Variants in EIF4G3 observed in about 807,000 individuals in gnomAD.
EIF4G3 encodes the protein eukaryotic translation initiation factor 4 gamma 3, also known as eIF-4-gamma 3.
A neutral mutation model predicts 186.4 loss-of-function variants in EIF4G3; 34 were observed. That is an observed-to-expected ratio of 0.18 (90% CI 0.14 to 0.24). The LOEUF (loss-of-function observed/expected upper bound fraction) is 0.24. Ranked by LOEUF, EIF4G3 falls within the 10% of genes least tolerant of loss-of-function variation. The probability of loss-of-function intolerance (pLI) is 1.00; values close to 1 mark genes in which losing one functional copy is unlikely to be tolerated. For missense variants in EIF4G3, 1,536 were observed against 1,948.5 expected, an observed-to-expected ratio of 0.79 and a Z score of 3.99; for synonymous variants, 673 against 679.5, an observed-to-expected ratio of 0.99 and a Z score of 0.15.
chr1:21,174,763 A>G (rs922010989), intron 2 of EIF4G3: 1 of 152,200 alleles, frequency 6.6e-6, no homozygotes, highest in Non-Finnish European at 1.5e-5. Context: ...ATCGGTGAAC[A>G]ATTCCTAATT....
chr1:20,875,057 C>T (rs2080359571), intron 20 of EIF4G3, among the ~76,000 whole-genome samples: 1 of 152,192 alleles, frequency 6.6e-6, no homozygotes. Context: ...TGGTCCACTG[C>T]AGCCGTGACC....
At chr1:21,001,822 T>C (rs142959224) in intron 5 of EIF4G3, among the ~76,000 whole-genome samples, 1 of 152,310 alleles carries the variant, frequency 6.6e-6, no homozygotes, top group African/African-American at 2.4e-5. Flanking sequence ...CTTTGGTATA[T>C]TTAAACAATT....
At chr1:21,041,003 C>A (rs2093544125) in intron 4 of EIF4G3, among the ~76,000 whole-genome samples, 1 of 152,024 alleles carries the variant, frequency 6.6e-6, no homozygotes, top group East Asian at 1.9e-4. Context: ...TTGTTCTGAT[C>A]AGAAGGTACC....
Position 20,807,161 on chromosome 1 carries a change from C to T in EIF4G3, c.*158G>A. The stretch of plus-strand genomic sequence containing the variant: ...TACTTTTATCCAGTACCTTTTTCCT[C>T]CATGATCACCTTTTTTTCTCTTTCC... On this transcript the variant is annotated 3_prime_UTR_variant, in exon 37 of 37. Transcript: ENST00000602326. The T allele has an allele frequency of 1.8e-6, 1 of 563,818 alleles. No individual in the cohort carries two copies. The allele number at this position is 563,818 out of a possible 1,614,324, so 34.9% of individuals were successfully genotyped here.
At chr1:21,149,169 C>T (rs953574292) in intron 2 of EIF4G3, among the ~76,000 whole-genome samples, 1 of 151,618 alleles carries the variant, frequency 6.6e-6, no homozygotes, top group East Asian at 1.9e-4. Context: ...GTTACATTTA[C>T]AGTATGATTT....
At chr1:21,095,805 A>C (rs1237458333) in intron 2 of EIF4G3, among the ~76,000 whole-genome samples, 4 of 152,212 alleles carry the variant, frequency 2.6e-5, no homozygotes, top group Non-Finnish European at 5.9e-5. Context: ...ACAAAAAAAA[A>C]ACAAAACAAT....
At chr1:20,972,749 G>T (rs910209184) in intron 11 of EIF4G3, among the ~76,000 whole-genome samples, 2 of 152,090 alleles carry the variant, frequency 1.3e-5, no homozygotes, top group African/African-American at 2.4e-5. Context: ...TTCTAAAGGT[G>T]GAGTACATGT....
chr1:20,821,970 T>G (rs764934067), intron 33 of EIF4G3, among the ~76,000 whole-genome samples: 5 of 152,192 alleles, frequency 3.3e-5, no homozygotes, highest in Middle Eastern at 6.8e-3. Context: ...CTCTGCCTCC[T>G]GGGTTCAAGC....
intron 3 of EIF4G3, chr1:21,064,986 C>T (rs1267576113): frequency 6.6e-6 from 1 of 152,096 alleles, no homozygotes; most frequent in African/African-American, 2.4e-5. Flanking sequence ...GATATACATT[C>T]AGTGACTGCA....
At chr1:21,004,762 T>C (rs1317349823) in intron 4 of EIF4G3, among the ~76,000 whole-genome samples, 2 of 152,140 alleles carry the variant, frequency 1.3e-5, no homozygotes, top group African/African-American at 4.8e-5. Context: ...GGATTCATCA[T>C]ACGTTCCAAA....
chr1:21,160,372 C>T (rs1262365729), intron 2 of EIF4G3, among the ~76,000 whole-genome samples: 2 of 152,038 alleles, frequency 1.3e-5, no homozygotes, highest in Admixed American at 6.6e-5. Flanking sequence ...AATTGGGCAA[C>T]CACAAAAGCA....
chr1:20,997,067 A>G (rs2082447244), intron 7 of EIF4G3, among the ~76,000 whole-genome samples: 1 of 152,142 alleles, frequency 6.6e-6, no homozygotes, highest in Admixed American at 6.5e-5. Context: ...TAAGATATCT[A>G]TTTTCTATGT....
intron 10 of EIF4G3, among the ~76,000 whole-genome samples, chr1:20,975,567 G>C (rs1323091172): frequency 6.6e-6 from 1 of 150,804 alleles, no homozygotes; most frequent in Non-Finnish European, 1.5e-5. Context: ...TAGCAGAGTA[G>C]AAAATCTGCC....
chr1:20,814,348 T>C (rs938816115), intron 34 of EIF4G3, among the ~76,000 whole-genome samples: 1 of 152,228 alleles, frequency 6.6e-6, no homozygotes, highest in Non-Finnish European at 1.5e-5. Context: ...GCCAGTTCTA[T>C]GTGCAAATAT....
chr1:20,990,505 T>C (rs770555992), intron 7 of EIF4G3, among the ~76,000 whole-genome samples: 6 of 152,144 alleles, frequency 3.9e-5, no homozygotes, highest in Non-Finnish European at 8.8e-5. Flanking sequence ...AAACCCCGTC[T>C]CTACCAGAAA....
chr1:21,151,339 C>T (rs1006857888), intron 2 of EIF4G3, among the ~76,000 whole-genome samples: 6 of 137,974 alleles, frequency 4.3e-5, no homozygotes, highest in Admixed American at 8.1e-5. Flanking sequence ...CCCGGGTTCA[C>T]GCCATTCTCC....
chr1:21,008,692 G>A lies in EIF4G3; in HGVS notation c.-66-5884C>T, dbSNP rs1011491948. On this transcript the variant is annotated intron_variant, in intron 4 of 36. Coordinates refer to ENST00000602326, the MANE Select transcript of EIF4G3 (RefSeq NM_001391906.1). ...AATCAATAAAGAGATATAGATGTAA[G>A]AAGCACTTACTCAGCCACAGTGTAT... Among the ~76,000 whole-genome samples the A allele has an allele frequency of 1.7e-4, 26 of 152,258 alleles. No individual in the cohort carries two copies. In the East Asian group the frequency reaches 3.7e-3, roughly 21 times the overall value.
At chr1:20,964,500 A>G (rs757956143) in intron 12 of EIF4G3, among the ~76,000 whole-genome samples, 12 of 152,206 alleles carry the variant, frequency 7.9e-5, no homozygotes, top group Non-Finnish European at 1.5e-5. Context: ...TTTGAAGAAC[A>G]GTTTCAAATT....
Position 21,111,404 on chromosome 1 carries a change from A to G in EIF4G3, c.-271-22191T>C, listed in dbSNP as rs1266021432. ...GATTGCTGGAAAGAATTAGCAAAAT[A>G]AGGCTTATGATGGGCTTAGCACATA... On this transcript the variant is annotated intron_variant, in intron 2 of 36. Coordinates refer to ENST00000602326, the MANE Select transcript of EIF4G3 (RefSeq NM_001391906.1). 3 of 471,556 alleles carry G rather than the reference A, an allele frequency of 6.4e-6. No individual in the cohort carries two copies. The Admixed American group carries it at 7.0e-5, about 11-fold the overall frequency. 29.2% of individuals were successfully genotyped at this position (471,556 alleles called of 1,614,324 possible). A position where few individuals can be genotyped will look rare whatever the true frequency, so the allele number is the denominator to read the frequency against.
Sources: gnomAD v4.1 joint callset for allele counts (sites outside exome capture counted in the v4.1 genomes callset) on GRCh38, gnomAD v4.1.1 for gene constraint, MANE v1.5 for transcripts, NCBI Gene and HGNC (gene_info 2026-07-23, HGNC 2026-07-21) for gene names.